N4BP2L1: variants seen among roughly 807,000 people sequenced by gnomAD.
N4BP2L1 encodes the protein NEDD4 binding protein 2 like 1.
A neutral mutation model predicts 21.2 loss-of-function variants in N4BP2L1; 12 were observed. The observed-to-expected ratio is 0.57, with a 90% CI of 0.36 to 0.92. The LOEUF is 0.92. N4BP2L1 is among the 40% of genes least tolerant of loss of function. The pLI is 0.01. For synonymous variants in N4BP2L1, 104 were observed against 112.8 expected (o/e 0.92, Z 0.49); for missense variants, 259 against 310.6 (o/e 0.83, Z 1.25).
At chr13:32,423,606 T>C (rs1368365551) in intron 1 of N4BP2L1, among the ~76,000 whole-genome samples, 3 of 152,222 alleles carry the variant, frequency 2.0e-5, no homozygotes, top group African/African-American at 4.8e-5. Context: ...GATACAAAAA[T>C]AGTAAAGTTC....
intron 3 of N4BP2L1, among the ~76,000 whole-genome samples, chr13:32,406,090 T>C (rs79818050): frequency 6.6e-6 from 1 of 151,146 alleles, no homozygotes; most frequent in Non-Finnish European, 1.5e-5. Context: ...TTTTTTTTTT[T>C]AGTAGAGACG....
At chr13:32,403,682 C>T in intron 4 of N4BP2L1, 1 of 535,444 alleles carries the variant, frequency 1.9e-6, no homozygotes, top group South Asian at 1.4e-5. Flanking sequence ...TGAATGGGGT[C>T]CATGAACTCG....
chr13:32,427,440 C>T lies in N4BP2L1; in HGVS notation c.179+464G>A, dbSNP rs563140458. 1.6e-4 allele frequency among the ~76,000 whole-genome samples: 25 copies of T among 152,334 alleles called. 1 individual carries two copies. The South Asian group carries it at 5.0e-3, about 30-fold the overall frequency. On this transcript the variant is annotated intron_variant, in intron 1 of 4. Coordinates refer to ENST00000380130, the MANE Select transcript of N4BP2L1 (RefSeq NM_052818.3). ...CCGCCTGCGCGCCAGCGGGGCCCGG[C>T]GGTTTTCTCTGCAGTCGCCACCGGG...
At chr13:32,420,915 G>A (rs1409832051) in intron 1 of N4BP2L1, among the ~76,000 whole-genome samples, 4 of 151,802 alleles carry the variant, frequency 2.6e-5, no homozygotes, top group African/African-American at 7.3e-5. Flanking sequence ...GGATGGTCTC[G>A]AACTCCTGAC....
intron 1 of N4BP2L1, among the ~76,000 whole-genome samples, chr13:32,412,220 G>A (rs963683927): frequency 1.3e-5 from 2 of 152,092 alleles, no homozygotes; most frequent in African/African-American, 4.8e-5. Context: ...CTATGGAAAT[G>A]AGTTGAAAAA....
intron 1 of N4BP2L1, among the ~76,000 whole-genome samples, chr13:32,416,961 C>T (rs1001240508): frequency 7.9e-5 from 12 of 152,004 alleles, no homozygotes; most frequent in South Asian, 2.1e-4. Context: ...GGATTACAGG[C>T]GCGTGCCACC....
chr13:32,402,609 A>G lies in N4BP2L1; in HGVS notation c.*333T>C, dbSNP rs565761106. 5.8e-6 allele frequency: 6 copies of G among 1,028,240 alleles called. No homozygotes were observed. The South Asian group carries it at 1.7e-4, about 29-fold the overall frequency. The allele number at this position is 1,028,240 out of a possible 1,614,324, so 63.7% of individuals were successfully genotyped here. A position where few individuals can be genotyped will look rare whatever the true frequency, so the allele number is the denominator to read the frequency against. On this transcript the variant is annotated 3_prime_UTR_variant, in exon 5 of 5. Transcript: ENST00000380130. ...AATAGATCACTTCAGAGCAAATGGT[A>G]CTGAAGCTTATATATAATATAAACA...
At chr13:32,428,156 TTG>T, upstream of N4BP2L1, 5 of 1,355,996 alleles carry the variant, frequency 3.7e-6, no homozygotes, top group Non-Finnish European at 4.8e-6. Context: ...GCTGTTGTTT[TTG>T]TGACTCTCCG....
intron 3 of N4BP2L1, 127 bp from the exon 4 acceptor site, chr13:32,404,524 CTTAAT>C: frequency 1.5e-6 from 1 of 650,506 alleles, no homozygotes; most frequent in East Asian, 2.7e-5. Context: ...AATCCAATGC[CTTAAT>C]TTATCACAAT....
rs757335831 is a variant in N4BP2L1, at chr13:32,403,003, T to C, written c.671A>G (p.His224Arg). 1 of 1,614,006 alleles carries C rather than the reference T, an allele frequency of 6.2e-7. No individual in the cohort carries two copies. The highest frequency in any genetic ancestry group is 2.2e-5 in the East Asian group (1 of 44,898). The stretch of plus-strand genomic sequence containing the variant: ...GGAGCTCTCATTTGTAAATCCACCG[T>C]GGGCCCTCCGGTTTGGAAACTCTGT... ...SYTEFPNRRA[H>R]GGFTNESSYH... Residue 224 changes from histidine (H) to arginine (R), a missense_variant, in exon 5 of 5, where the codon CAC becomes CGC. His to Arg is a conservative substitution (Grantham distance 29). This residue lies in a region of N4BP2L1 where 108 missense variants were observed against 107.8 expected (regional missense o/e 1.00). Coordinates refer to ENST00000380130, the MANE Select transcript of N4BP2L1 (RefSeq NM_052818.3).
chr13:32,424,678 TG>T (rs1396241212), intron 1 of N4BP2L1, among the ~76,000 whole-genome samples: 1 of 152,230 alleles, frequency 6.6e-6, no homozygotes, highest in Non-Finnish European at 1.5e-5. Flanking sequence ...TATAGGTCAG[TG>T]GTAAGAACCT....
rs1440934240 is a variant in N4BP2L1 at position 32,402,256 on chromosome 13, G to A, written c.*686C>T. The A allele has an allele frequency of 3.7e-6, 3 of 819,260 alleles. No homozygotes were observed. In the African/African-American group the frequency reaches 5.6e-5, roughly 15 times the overall value. 50.7% of individuals were successfully genotyped at this position (819,260 alleles called of 1,614,324 possible). ...GCTGAATAAAGTAGTAAAAACACAA[G>A]GCGTGACTTTAAATAATGACACTGA... On this transcript the variant is annotated 3_prime_UTR_variant, in exon 5 of 5. Coordinates refer to ENST00000380130, the MANE Select transcript of N4BP2L1 (RefSeq NM_052818.3).
At chr13:32,409,943 C>T (rs2073754798) in intron 1 of N4BP2L1, among the ~76,000 whole-genome samples, 1 of 152,170 alleles carries the variant, frequency 6.6e-6, no homozygotes, top group Non-Finnish European at 1.5e-5. Flanking sequence ...CCAGCTTGAA[C>T]GTGTCCAGAG....
chr13:32,419,745 A>G (rs2074372002), intron 1 of N4BP2L1, among the ~76,000 whole-genome samples: 1 of 152,142 alleles, frequency 6.6e-6, no homozygotes, highest in Non-Finnish European at 1.5e-5. Context: ...TTTATAAATT[A>G]TCCAGTTTTG....
In N4BP2L1 at chr13:32,428,075, T is replaced by C. The variant is rs772072644; in HGVS notation, c.8A>G (p.Asp3Gly). 7 of 1,478,374 alleles carry C rather than the reference T, an allele frequency of 4.7e-6. No individual in the cohort carries two copies. The South Asian group carries it at 9.6e-5, about 20-fold the overall frequency. 91.6% of individuals were successfully genotyped at this position (1,478,374 alleles called of 1,614,324 possible). The change falls in exon 1 of 5, where the codon GAC becomes GGC. Residue 3 changes from aspartate (D) to glycine (G), a missense_variant. Around this residue, in one of 3 missense-constraint regions of N4BP2L1, gnomAD observed 60 missense variants for 54.7 expected, o/e 1.10. Coordinates refer to ENST00000380130, the MANE Select transcript of N4BP2L1 (RefSeq NM_052818.3). ME[D>G]SFLQSFGRLS... ...CCTCCCAAAAGATTGAAGGAAACTGTCCTCCATGGGCAGGAGGGCTGGCTG... is the reference window on the plus strand; with the variant it reads ...CCTCCCAAAAGATTGAAGGAAACTGCCCTCCATGGGCAGGAGGGCTGGCTG...
At chr13:32,419,412 ATTTTTTTTTTTTTTTTT>A (rs71071039) in intron 1 of N4BP2L1, 240 of 284,410 alleles carry the variant, frequency 8.4e-4, no homozygotes, top group Middle Eastern at 4.3e-3. Context: ...TGCTTGGCTA[ATTTTTTTTTTTTTTTTT>A]TTTTTTTTTT....
rs545933931 is a variant in N4BP2L1, at chr13:32,407,847, T to C, written c.180-75A>G. On this transcript the variant is annotated intron_variant, in intron 1 of 4. Transcript: ENST00000380130. ...TCTCAGTAGAAATAATCTCCTTCCA[T>C]CTCTAACATTTAGCAGTTTATAATT... 8.8e-5 allele frequency: 129 copies of C among 1,463,704 alleles called. 1 individual carries two copies. The South Asian group carries it at 1.5e-3, about 18-fold the overall frequency. 90.7% of individuals were successfully genotyped at this position (1,463,704 alleles called of 1,614,324 possible).
intron 1 of N4BP2L1, among the ~76,000 whole-genome samples, chr13:32,417,803 G>A (rs896892999): frequency 6.6e-6 from 1 of 152,182 alleles, no homozygotes; most frequent in Admixed American, 6.5e-5. Context: ...GGAACTTACT[G>A]GGAACTGGAG....
chr13:32,414,492 AT>A lies in N4BP2L1; in HGVS notation c.180-6721del, dbSNP rs1249310784. ...GGTTTATCTTTCTTATTGAATGTCA[AT>A]TTTTTATTATGTACAGCAATTGCTT... On this transcript the variant is annotated intron_variant, in intron 1 of 4. Coordinates refer to ENST00000380130, the MANE Select transcript of N4BP2L1 (RefSeq NM_052818.3). 2.0e-5 allele frequency among the ~76,000 whole-genome samples: 3 copies of A among 152,220 alleles called. No individual in the cohort carries two copies. In the East Asian group the frequency reaches 5.8e-4, roughly 29 times the overall value.
Sources: allele counts gnomAD v4.1 joint callset (sites outside exome capture counted in the v4.1 genomes callset), GRCh38; gene constraint gnomAD v4.1.1; regional missense constraint gnomAD v4.1.1; transcripts MANE v1.5; gene names NCBI Gene and HGNC (gene_info 2026-07-23, HGNC 2026-07-21).